Variants in MLLT11 observed in about 807,000 individuals in gnomAD.
The protein encoded by MLLT11 is protein AF1q.
In MLLT11, 1 loss-of-function variant was observed where a neutral mutation model predicts 5.3. The observed-to-expected ratio is 0.19, with a 90% CI of 0.07 to 0.89. The LOEUF (loss-of-function observed/expected upper bound fraction) is 0.89. MLLT11 is among the 40% of genes least tolerant of loss of function. The pLI, the probability that MLLT11 is intolerant of heterozygous loss-of-function variation, is 0.67. For synonymous variants in MLLT11, 38 were observed against 41.7 expected (o/e 0.91, Z 0.34); for missense variants, 87 against 107.3 (o/e 0.81, Z 0.83).
intron 1 of MLLT11, among the ~76,000 whole-genome samples, chr1:151,063,431 T>C (rs587624408): frequency 6.6e-6 from 1 of 152,156 alleles, no homozygotes; most frequent in South Asian, 2.1e-4. Context: ...ATTTATTTAT[T>C]ATTATTATTA....
chr1:151,067,419 C>G lies in MLLT11; in HGVS notation c.195C>G (p.Gly65=), dbSNP rs763258942. The G allele has an allele frequency of 1.1e-5, 17 of 1,614,054 alleles. No homozygotes were observed. The highest frequency in any genetic ancestry group is 1.2e-5 in the Non-Finnish European group (14 of 1,179,954). The part of the protein sequence containing the change: ...ADQEKNPEGD[G]LLEYSTFNFW... ...AGGAGAAAAACCCTGAAGGTGATGG[C>G]CTCCTTGAGTACAGCACCTTCAACT... The change falls in exon 2 of 2, where the codon GGC becomes GGG. Residue 65 remains glycine (G), a synonymous_variant. Coordinates refer to ENST00000368921, the MANE Select transcript of MLLT11 (RefSeq NM_006818.4).
intron 1 of MLLT11, among the ~76,000 whole-genome samples, chr1:151,060,955 T>C (rs1676397057): frequency 6.6e-6 from 1 of 152,154 alleles, no homozygotes; most frequent in Non-Finnish European, 1.5e-5. Flanking sequence ...TCTATGTTTC[T>C]CTGTAGGAGG....
Position 151,067,414 on chromosome 1 carries a change from G to GAT in MLLT11, c.191_192dup (p.Gly65MetfsTer95). 1 of 1,614,192 alleles carries GAT rather than the reference G, an allele frequency of 6.2e-7. No homozygotes were observed. The highest frequency in any genetic ancestry group is 8.5e-7 in the Non-Finnish European group (1 of 1,180,052). On this transcript the variant is annotated frameshift_variant, in exon 2 of 2. Coordinates refer to ENST00000368921, the MANE Select transcript of MLLT11 (RefSeq NM_006818.4). LOFTEE classifies it high-confidence loss of function. ...AGACCAGGAGAAAAACCCTGAAGGT[G>GAT]ATGGCCTCCTTGAGTACAGCACCTT... is the stretch of plus-strand genomic sequence containing the variant.
rs1208482402 is a variant in MLLT11, at chr1:151,068,686, G to A, written c.*1189G>A. 1.3e-5 allele frequency among the ~76,000 whole-genome samples: 2 copies of A among 152,168 alleles called. No individual in the cohort carries two copies. Among genetic ancestry groups the A allele is most frequent in the Non-Finnish European group, 2.9e-5 (2 of 68,026 alleles). On this transcript the variant is annotated 3_prime_UTR_variant, in exon 2 of 2. Coordinates refer to ENST00000368921, the MANE Select transcript of MLLT11 (RefSeq NM_006818.4). ...TGCAACCTCCACCCACCAGGGTCAA[G>A]GGATCCTCCCACCTCAGGCTCCCAG...
intron 1 of MLLT11, among the ~76,000 whole-genome samples, chr1:151,066,528 G>A (rs1395013046): frequency 6.6e-6 from 1 of 152,136 alleles, no homozygotes; most frequent in Non-Finnish European, 1.5e-5. Context: ...ACCACTGCTG[G>A]GAAGAATGGG....
intron 1 of MLLT11, among the ~76,000 whole-genome samples, chr1:151,065,688 T>C (rs1457722082): frequency 2.0e-5 from 3 of 152,046 alleles, no homozygotes; most frequent in Admixed American, 6.6e-5. Context: ...AGAAGGAAAA[T>C]AGAAAGCAGA....
In MLLT11 at chr1:151,067,199, G is replaced by C. The variant is rs1676486739; in HGVS notation, c.-6-20G>C. 6.2e-7 allele frequency: 1 copy of C among 1,607,542 alleles called. No homozygotes were observed. Among genetic ancestry groups the C allele is most frequent in the African/African-American group, 1.3e-5 (1 of 74,546 alleles). Reference sequence around the variant, plus strand: ...AAGAAGTTGCTGTAGCATGAAGACTGACAAGTGGTTTCTTTCTAGGAAGCT... The same window carrying C: ...AAGAAGTTGCTGTAGCATGAAGACTCACAAGTGGTTTCTTTCTAGGAAGCT... On this transcript the variant is annotated intron_variant, in intron 1 of 1. Coordinates refer to ENST00000368921, the MANE Select transcript of MLLT11 (RefSeq NM_006818.4).
intron 1 of MLLT11, among the ~76,000 whole-genome samples, chr1:151,066,840 G>C (rs991879215): frequency 9.9e-5 from 15 of 152,034 alleles, no homozygotes; most frequent in Admixed American, 7.2e-4. Flanking sequence ...CAGGAGAATG[G>C]TGTGAGCCCA....
intron 1 of MLLT11, among the ~76,000 whole-genome samples, chr1:151,066,083 G>A (rs754966830): frequency 1.6e-4 from 24 of 152,040 alleles, no homozygotes; most frequent in Non-Finnish European, 2.2e-4. Context: ...CAAGTCATCC[G>A]CCTGCCTTAG....
chr1:151,066,663 A>G (rs1676479569), intron 1 of MLLT11, among the ~76,000 whole-genome samples: 1 of 152,072 alleles, frequency 6.6e-6, no homozygotes, highest in East Asian at 1.9e-4. Flanking sequence ...GGTGGCTCAC[A>G]CCTGTAATCC....
chr1:151,064,532 A>G (rs1002351638), intron 1 of MLLT11, among the ~76,000 whole-genome samples: 1 of 151,898 alleles, frequency 6.6e-6, no homozygotes, highest in Non-Finnish European at 1.5e-5. Context: ...CCTTGGGGAA[A>G]CTCCTAGGTA....
At position 151,066,164 on chromosome 1, in the gene MLLT11, C is replaced by CT. The variant is rs201202746; in HGVS notation, c.-6-1047dup. ...AATGGAGTCCTGAAATGTGGAAAGT[C>CT]TTTTTTTTAAGACAGAATCTTGCTC... is the stretch of plus-strand genomic sequence containing the variant. On this transcript the variant is annotated intron_variant, in intron 1 of 1. Coordinates refer to ENST00000368921, the MANE Select transcript of MLLT11 (RefSeq NM_006818.4). Among the ~76,000 whole-genome samples the CT allele has an allele frequency of 7.6e-3, 1,149 of 151,808 alleles. 10 individuals are homozygous for CT. Among genetic ancestry groups the CT allele is most frequent in the African/African-American group, 0.024 (983 of 41,392 alleles).
rs1049681645 is a variant in MLLT11, at chr1:151,068,010, T to C, written c.*513T>C. ...TGATAAGTCTCTTGCTTTTTTTTGATCCTGCTCTTATATTCTTTTTTTTCC... is the reference window on the plus strand; with the variant it reads ...TGATAAGTCTCTTGCTTTTTTTTGACCCTGCTCTTATATTCTTTTTTTTCC... On this transcript the variant is annotated 3_prime_UTR_variant, in exon 2 of 2. Transcript: ENST00000368921. 1 of 244,278 alleles carries C rather than the reference T, an allele frequency of 4.1e-6. No homozygotes were observed. Among genetic ancestry groups the C allele is most frequent in the Non-Finnish European group, 8.6e-6 (1 of 116,018 alleles). The allele number at this position is 244,278 out of a possible 1,614,324, so 15.1% of individuals were successfully genotyped here.
chr1:151,068,404 A>G lies in MLLT11; in HGVS notation c.*907A>G, dbSNP rs587675619. 4.5e-5 allele frequency: 10 copies of G among 223,486 alleles called. No individual in the cohort carries two copies. The East Asian group carries it at 7.2e-4, about 16-fold the overall frequency. The allele number at this position is 223,486 out of a possible 1,614,324, so 13.8% of individuals were successfully genotyped here. ...CCCTGAAATGAACAATTATATTCTG[A>G]CTCGACATCTTGTCCCCAATCCTTC... On this transcript the variant is annotated 3_prime_UTR_variant, in exon 2 of 2. Transcript: ENST00000368921.
Position 151,068,373 on chromosome 1 carries a change from T to C in MLLT11, c.*876T>C, listed in dbSNP as rs1292643673. The C allele has an allele frequency of 4.4e-6, 1 of 225,436 alleles. No individual in the cohort carries two copies. Among genetic ancestry groups the C allele is most frequent in the Non-Finnish European group, 9.6e-6 (1 of 103,756 alleles). 14.0% of individuals were successfully genotyped at this position (225,436 alleles called of 1,614,324 possible). A position where few individuals can be genotyped will look rare whatever the true frequency, so the allele number is the denominator to read the frequency against. On this transcript the variant is annotated 3_prime_UTR_variant, in exon 2 of 2. Coordinates refer to ENST00000368921, the MANE Select transcript of MLLT11 (RefSeq NM_006818.4). The stretch of plus-strand genomic sequence containing the variant: ...CAGTGGGCACAGTTCTTCAGCTACA[T>C]TGAGACCCTGAAATGAACAATTATA...
chr1:151,067,533 T>C lies in MLLT11; in HGVS notation c.*36T>C, dbSNP rs1676492241. 1 of 1,593,230 alleles carries C rather than the reference T, an allele frequency of 6.3e-7. No homozygotes were observed. The highest frequency in any genetic ancestry group is 8.6e-7 in the Non-Finnish European group (1 of 1,165,624). The stretch of plus-strand genomic sequence containing the variant: ...TCTCTCTCCCATCACCTTGCCCTCA[T>C]TGTCTTCCCTCTCAAGCCCCTTCCT... On this transcript the variant is annotated 3_prime_UTR_variant, in exon 2 of 2. Transcript: ENST00000368921.
Position 151,060,477 on chromosome 1 carries a change from C to CT in MLLT11, c.-83_-82insT, listed in dbSNP as rs1676386948. 6.6e-6 allele frequency: 1 copy of CT among 152,212 alleles called. No individual in the cohort carries two copies. Among genetic ancestry groups the CT allele is most frequent in the African/African-American group, 2.4e-5 (1 of 41,438 alleles). The allele number at this position is 152,212 out of a possible 1,614,324, so 9.4% of individuals were successfully genotyped here. A position where few individuals can be genotyped will look rare whatever the true frequency, so the allele number is the denominator to read the frequency against. ...AAAGCCCCAACAGCTTTGTATTTCT[C>CT]CAGCCCGGCGCAGACCCCGGAGCTC... On this transcript the variant is annotated 5_prime_UTR_variant, in exon 1 of 2. Transcript: ENST00000368921.
chr1:151,065,468 G>C (rs1256179952), intron 1 of MLLT11, among the ~76,000 whole-genome samples: 1 of 152,122 alleles, frequency 6.6e-6, no homozygotes, highest in Non-Finnish European at 1.5e-5. Context: ...GCTCTCTACT[G>C]CCCTTTGCTT....
At chr1:151,063,481 AG>A (rs1323279628) in intron 1 of MLLT11, among the ~76,000 whole-genome samples, 1 of 152,104 alleles carries the variant, frequency 6.6e-6, no homozygotes, top group Non-Finnish European at 1.5e-5. Context: ...GCTGGAGTGC[AG>A]TGGCGCTATC....
Sources: allele counts gnomAD v4.1 joint callset (sites outside exome capture counted in the v4.1 genomes callset), GRCh38; gene constraint gnomAD v4.1.1; transcripts MANE v1.5; gene names NCBI Gene and HGNC (gene_info 2026-07-23, HGNC 2026-07-21).